Variants in SPC25 observed in about 807,000 individuals in gnomAD.
SPC25 encodes the protein SPC25 component of NDC80 kinetochore complex.
Under a neutral mutation model 29.6 loss-of-function variants are expected in SPC25, and 22 were observed. The observed-to-expected ratio is 0.74, with a 90% CI of 0.53 to 1.06. The LOEUF is 1.06. Among genes scored for constraint, SPC25 ranks in the 50% least tolerant of loss-of-function variants. SPC25 has a pLI of 0.00. For synonymous variants in SPC25, 91 were observed against 90.4 expected (o/e 1.01, Z -0.04); for missense variants, 230 against 255.8 (o/e 0.90, Z 0.69).
At position 168,876,075 on chromosome 2, in the gene SPC25, A is replaced by G. The variant is rs557901653; in HGVS notation, c.448T>C (p.Tyr150His). ...DRLGLEIRKI[Y>H]GEKLQFIFTN... ...TTATTTATATTAACAAACTTACCAT[A>G]AATTTTTCGAATTTCTAGTCCAAGT... The change falls in exon 5 of 7, where the codon TAT (tyrosine) becomes CAT (histidine). Residue 150 changes from tyrosine (Y) to histidine (H), a missense_variant. Tyr to His is a moderately conservative substitution (Grantham distance 83). Coordinates refer to ENST00000282074, the MANE Select transcript of SPC25 (RefSeq NM_020675.4). 52 of 1,517,180 alleles carry G rather than the reference A, an allele frequency of 3.4e-5. No homozygotes were observed. The South Asian group carries it at 6.7e-4, about 19-fold the overall frequency. The allele number at this position is 1,517,180 out of a possible 1,614,324, so 94.0% of individuals were successfully genotyped here.
intron 4 of SPC25, 135 bp from the exon 5 acceptor site, chr2:168,876,311 A>T (rs1031904073): frequency 1.6e-6 from 1 of 645,022 alleles, no homozygotes; most frequent in Admixed American, 4.1e-5. Context: ...TATTGTTTCT[A>T]TATCTACCAG....
At chr2:168,870,328 A>G (rs1007028548), downstream of SPC25, among the ~76,000 whole-genome samples, 3 of 151,564 alleles carry the variant, frequency 2.0e-5, no homozygotes, top group African/African-American at 7.3e-5. Flanking sequence ...CACCAAAAGC[A>G]ATGTCAACAA....
intron 6 of SPC25, among the ~76,000 whole-genome samples, chr2:168,871,768 C>T (rs191216446): frequency 6.6e-5 from 10 of 152,078 alleles, no homozygotes; most frequent in African/African-American, 2.2e-4. Flanking sequence ...ATCTTAAGTA[C>T]TATAATCTTG....
At chr2:168,876,026 C>A in intron 5 of SPC25, 46 bp downstream of exon 5, 1 of 1,082,460 alleles carries the variant, frequency 9.2e-7, no homozygotes, top group Non-Finnish European at 1.2e-6. Context: ...TAAGAAAAGA[C>A]ATACTTTTGT....
At chr2:168,887,431 A>G (rs927161636) in intron 3 of SPC25, among the ~76,000 whole-genome samples, 5 of 133,462 alleles carry the variant, frequency 3.7e-5, no homozygotes, top group Non-Finnish European at 3.2e-5. Context: ...CAAAAAAAAA[A>G]AAAGAAAGAA....
At chr2:168,865,177 T>G in intron 4 of SPC25, 3 of 574,610 alleles carry the variant, frequency 5.2e-6, no homozygotes, top group Non-Finnish European at 9.0e-6. Context: ...AGGAAGAGGC[T>G]CCTTGGTTCC....
intron 3 of SPC25, among the ~76,000 whole-genome samples, chr2:168,878,591 A>G (rs1333113349): frequency 2.0e-5 from 3 of 152,222 alleles, no homozygotes; most frequent in African/African-American, 7.2e-5. Flanking sequence ...AAAAAACAAG[A>G]ACTATTTTTC....
downstream of SPC25, among the ~76,000 whole-genome samples, chr2:168,870,171 T>C (rs28859596): frequency 0.78 from 102,621 of 131,262 alleles, 38,505 homozygotes; most frequent in African/African-American, 0.87. Flanking sequence ...AAGCTGAAAC[T>C]GGATCCCTTC....
rs1006996653 is a variant in SPC25, at chr2:168,871,384, G to A, written c.*47C>T. ...ATAAAAACAAGAAAAAAAGAGATAT[G>A]TAATAGAGAAGAAAAATAAACCGTT... On this transcript the variant is annotated 3_prime_UTR_variant, in exon 7 of 7. Transcript: ENST00000282074. 6.6e-7 allele frequency: 1 copy of A among 1,514,528 alleles called. No individual in the cohort carries two copies. Among genetic ancestry groups the A allele is most frequent in the Non-Finnish European group, 8.9e-7 (1 of 1,123,682 alleles). The allele number at this position is 1,514,528 out of a possible 1,614,324, so 93.8% of individuals were successfully genotyped here.
chr2:168,885,414 C>T (rs1485777658), intron 3 of SPC25, among the ~76,000 whole-genome samples: 1 of 152,170 alleles, frequency 6.6e-6, no homozygotes, highest in African/African-American at 2.4e-5. Flanking sequence ...ATCTCACTCC[C>T]CTCCTGTTTA....
At chr2:168,881,423 T>C (rs775395582) in intron 3 of SPC25, among the ~76,000 whole-genome samples, 1 of 152,144 alleles carries the variant, frequency 6.6e-6, no homozygotes, top group Non-Finnish European at 1.5e-5. Context: ...CTCTGTTTGT[T>C]GGAAGAAAGA....
At chr2:168,889,070 CACATATATATACATATATAT>C (rs1690343548) in intron 3 of SPC25, among the ~76,000 whole-genome samples, 136 bp downstream of exon 3, 2 of 61,872 alleles carry the variant, frequency 3.2e-5, no homozygotes, top group East Asian at 8.9e-4. Flanking sequence ...TATATATATA[CACATATATATACATATATAT>C]ACACATATAT....
At chr2:168,863,729 T>G (rs1289906508) in intron 4 of SPC25, 3 of 867,118 alleles carry the variant, frequency 3.5e-6, no homozygotes, top group Non-Finnish European at 4.2e-6. Flanking sequence ...ATTGTCTTGA[T>G]CTTAAGAAAA....
At chr2:168,877,093 T>C (rs1008972916) in intron 4 of SPC25, 145 bp downstream of exon 4, 4 of 750,744 alleles carry the variant, frequency 5.3e-6, no homozygotes, top group Non-Finnish European at 8.3e-6. Flanking sequence ...TTTAATGACA[T>C]CTTGCAGAGA....
At chr2:168,867,822 A>T (rs1368804099), downstream of SPC25, among the ~76,000 whole-genome samples, 1 of 152,206 alleles carries the variant, frequency 6.6e-6, no homozygotes, top group Non-Finnish European at 1.5e-5. Context: ...AAGGATATCC[A>T]GGAATTGAAC....
chr2:168,889,036 T>TATATATATACACATATATATAC lies in SPC25; in HGVS notation c.199+168_199+189dup, dbSNP rs1425996964. 9.3e-5 allele frequency among the ~76,000 whole-genome samples: 7 copies of TATATATATACACATATATATAC among 74,982 alleles called. 1 individual carries two copies. Among genetic ancestry groups the TATATATATACACATATATATAC allele is most frequent in the African/African-American group, 2.4e-4 (4 of 16,642 alleles). 49.2% of individuals were successfully genotyped at this position (74,982 alleles called of 152,430 possible). A position where few individuals can be genotyped will look rare whatever the true frequency, so the allele number is the denominator to read the frequency against. On this transcript the variant is annotated intron_variant, in intron 3 of 6. Transcript: ENST00000282074. ...GTATATATATACACATATATATACA[T>TATATATATACACATATATATAC]ATATATATACACATATATATACATA...
downstream of SPC25, among the ~76,000 whole-genome samples, chr2:168,867,649 A>C (rs1307496524): frequency 6.6e-6 from 1 of 152,288 alleles, no homozygotes; most frequent in Non-Finnish European, 1.5e-5. Context: ...AGGCCATTAC[A>C]TAATGGTAAA....
intron 3 of SPC25, among the ~76,000 whole-genome samples, chr2:168,878,143 A>G (rs898308665): frequency 2.0e-5 from 3 of 152,240 alleles, no homozygotes; most frequent in Non-Finnish European, 2.9e-5. Flanking sequence ...CAATGTAAGC[A>G]TAATTCTAAA....
chr2:168,864,866 G>C (rs531626284), intron 4 of SPC25: 1 of 1,613,798 alleles, frequency 6.2e-7, no homozygotes, highest in Non-Finnish European at 8.5e-7. Context: ...GAAAAAAGAA[G>C]GAGGATGGTG....
Sources: allele counts gnomAD v4.1 joint callset (sites outside exome capture counted in the v4.1 genomes callset), GRCh38; gene constraint gnomAD v4.1.1; transcripts MANE v1.5; gene names NCBI Gene and HGNC (gene_info 2026-07-23, HGNC 2026-07-21).